The following LRRC37A variants were observed in gnomAD, a reference collection of about 807,000 sequenced individuals.
LRRC37A encodes the protein leucine rich repeat containing 37A, also known as leucine-rich repeat-containing protein 37A.
A neutral mutation model predicts 35.4 loss-of-function variants in LRRC37A; 3 were observed. The observed-to-expected ratio is 0.08, with a 90% CI of 0.04 to 0.22. The LOEUF is 0.22. Among genes scored for constraint, LRRC37A ranks in the 10% least tolerant of loss-of-function variants. The pLI is 1.00. For missense variants in LRRC37A, 67 were observed against 565.3 expected (o/e 0.12, Z 8.94); for synonymous variants, 23 against 215.0 (o/e 0.11, Z 7.81).
the LRRC37A span, chr17:46,268,799 C>T: frequency 4.8e-6 from 4 of 825,188 alleles, no homozygotes; most frequent in East Asian, 3.7e-5. Flanking sequence ...CCCAAAGCTA[C>T]TCTATGAATG....
the LRRC37A span, among the ~76,000 whole-genome samples, chr17:46,271,068 T>G: frequency 2.6e-5 from 4 of 152,202 alleles, no homozygotes; most frequent in African/African-American, 9.7e-5. Context: ...CGGTTGGCTC[T>G]TCCCTCCACC....
chr17:46,284,448 G>A, the LRRC37A span, among the ~76,000 whole-genome samples: 1 of 152,230 alleles, frequency 6.6e-6, no homozygotes, highest in African/African-American at 2.4e-5. Flanking sequence ...CACGGGGTTG[G>A]GGGTAAGGTT....
the LRRC37A span, among the ~76,000 whole-genome samples, chr17:46,264,149 T>C: frequency 6.6e-6 from 1 of 151,152 alleles, no homozygotes; most frequent in African/African-American, 2.4e-5. Context: ...CAGCTGACTT[T>C]TTTTTTTTTT....
the LRRC37A span, among the ~76,000 whole-genome samples, chr17:46,267,924 A>C: frequency 9.6e-6 from 1 of 103,808 alleles, no homozygotes; most frequent in African/African-American, 3.5e-5. Flanking sequence ...TTTTTTAGAC[A>C]GAGTCTCGCT....
chr17:46,254,366 C>G, the LRRC37A span, among the ~76,000 whole-genome samples: 1 of 139,404 alleles, frequency 7.2e-6, no homozygotes, highest in Non-Finnish European at 1.6e-5. Context: ...TGGTTTTATT[C>G]AACTGGAAGC....
chr17:46,251,006 T>C, the LRRC37A span, among the ~76,000 whole-genome samples: 1 of 152,218 alleles, frequency 6.6e-6, no homozygotes, highest in South Asian at 2.1e-4. Flanking sequence ...TCACTGCTTC[T>C]CAGCCTCCTG....
the LRRC37A span, among the ~76,000 whole-genome samples, chr17:46,281,174 CT>C: frequency 6.6e-6 from 1 of 152,094 alleles, no homozygotes; most frequent in East Asian, 1.9e-4. Context: ...AGGAGTGAGT[CT>C]TTTTCCATTT....
rs183892 is a variant in LRRC37A, at chr17:46,327,132, G to A, written c.3054-1260G>A. 1.0e-4 allele frequency among the ~76,000 whole-genome samples: 9 copies of A among 86,180 alleles called. 2 individuals carry two copies. Among genetic ancestry groups the A allele is most frequent in the African/African-American group, 2.8e-4 (9 of 32,500 alleles). The allele number at this position is 86,180 out of a possible 152,430, so 56.5% of individuals were successfully genotyped here. A position where few individuals can be genotyped will look rare whatever the true frequency, so the allele number is the denominator to read the frequency against. On this transcript the variant is annotated intron_variant, in intron 7 of 13. Transcript: ENST00000320254. ...TGTCTTGTAAATTGTCCCACAATCC[G>A]GATTTGTCTGTTTCCTCATGATGAA...
chr17:46,260,255 G>C, the LRRC37A span: 2 of 1,527,660 alleles, frequency 1.3e-6, no homozygotes, highest in Non-Finnish European at 1.8e-6. Flanking sequence ...GACGGCCGCA[G>C]CGGGTGGTTG....
At chr17:46,260,514 C>T in the LRRC37A span, 21 of 1,606,486 alleles carry the variant, frequency 1.3e-5, no homozygotes, top group Admixed American at 6.7e-5. Flanking sequence ...TGCCCGTTCA[C>T]CTGCACCAGG....
the LRRC37A span, among the ~76,000 whole-genome samples, chr17:46,251,131 G>A: frequency 6.6e-6 from 1 of 152,282 alleles, no homozygotes; most frequent in Non-Finnish European, 1.5e-5. Context: ...GTATGATAGA[G>A]GTGAATTGTC....
the LRRC37A span, among the ~76,000 whole-genome samples, chr17:46,261,325 T>C: frequency 6.6e-5 from 10 of 152,142 alleles, no homozygotes; most frequent in African/African-American, 2.2e-4. Context: ...TGCTACAGGG[T>C]AGGGGAGACT....
chr17:46,280,560 G>A, the LRRC37A span, among the ~76,000 whole-genome samples: 1 of 143,856 alleles, frequency 7.0e-6, no homozygotes, highest in Non-Finnish European at 1.5e-5. Context: ...CCTTATTTTT[G>A]ATAGCACACT....
At chr17:46,271,330 TA>T in the LRRC37A span, among the ~76,000 whole-genome samples, 1 of 139,316 alleles carries the variant, frequency 7.2e-6, no homozygotes, top group Non-Finnish European at 1.5e-5. Context: ...TTTACCTAGC[TA>T]ATTTTTTTTT....
chr17:46,254,956 C>A, the LRRC37A span, among the ~76,000 whole-genome samples: 15,559 of 143,864 alleles, frequency 0.11, no homozygotes, highest in Middle Eastern at 0.17. Flanking sequence ...CTGCCTTAGC[C>A]TCCCAAGTAG....
the LRRC37A span, among the ~76,000 whole-genome samples, chr17:46,286,690 T>C: frequency 0.12 from 18,413 of 152,162 alleles, no homozygotes; most frequent in Non-Finnish European, 0.18. Context: ...TGTAAGTGTA[T>C]AACAAATGTA....
At chr17:46,288,558 A>G (rs2049980728), upstream of LRRC37A, among the ~76,000 whole-genome samples, 2 of 151,950 alleles carry the variant, frequency 1.3e-5, no homozygotes, top group African/African-American at 4.8e-5. Context: ...TTGGCCTCCC[A>G]AAGTCCTGAG....
chr17:46,277,231 C>G, the LRRC37A span, among the ~76,000 whole-genome samples: 3 of 152,316 alleles, frequency 2.0e-5, no homozygotes, highest in East Asian at 3.9e-4. Flanking sequence ...AGAAGACATC[C>G]TAAGTGGCCC....
chr17:46,265,978 T>A, the LRRC37A span, among the ~76,000 whole-genome samples: 1 of 152,176 alleles, frequency 6.6e-6, no homozygotes, highest in Non-Finnish European at 1.5e-5. Context: ...ATGCCTGTAA[T>A]CCCAGCTACT....
Sources: gnomAD v4.1 joint callset for allele counts (sites outside exome capture counted in the v4.1 genomes callset) on GRCh38, gnomAD v4.1.1 for gene constraint, MANE v1.5 for transcripts, NCBI Gene and HGNC (gene_info 2026-07-23, HGNC 2026-07-21) for gene names.